The following DOCK2 variants were observed in gnomAD, a reference collection of about 807,000 sequenced individuals.
DOCK2 encodes dedicator of cytokinesis 2, also known as dedicator of cytokinesis protein 2.
Under a neutral mutation model 248.9 loss-of-function variants are expected in DOCK2, and 87 were observed. That is an observed-to-expected ratio of 0.35 (90% confidence interval 0.29 to 0.42). The LOEUF (loss-of-function observed/expected upper bound fraction) is 0.42, where lower values mean the gene tolerates loss of function less well. Among genes scored for constraint, DOCK2 ranks in the 10% least tolerant of loss-of-function variants. The pLI is 1.00. For synonymous variants in DOCK2, 805 were observed against 821.6 expected (o/e 0.98, Z 0.35); for missense variants, 1,747 against 2,300.2 (o/e 0.76, Z 4.92).
chr5:169,880,228 A>G (rs1294232628), intron 27 of DOCK2, among the ~76,000 whole-genome samples: 1 of 152,242 alleles, frequency 6.6e-6, no homozygotes, highest in Non-Finnish European at 1.5e-5. Flanking sequence ...CTGTTATTTG[A>G]TTAAAAACAG....
chr5:169,686,678 A>G (rs1472824699), intron 8 of DOCK2, among the ~76,000 whole-genome samples: 1 of 152,218 alleles, frequency 6.6e-6, no homozygotes, highest in Non-Finnish European at 1.5e-5. Context: ...GGATCGACAT[A>G]CAGTGAACAA....
intron 49 of DOCK2, 101 bp downstream of exon 49, chr5:170,079,247 C>A: frequency 6.8e-7 from 1 of 1,460,326 alleles, no homozygotes; most frequent in Non-Finnish European, 9.2e-7. Flanking sequence ...TTCCTGAAGC[C>A]TGCCACTGCG....
At chr5:169,644,499 G>A (rs1177349208) in intron 1 of DOCK2, among the ~76,000 whole-genome samples, 1 of 152,180 alleles carries the variant, frequency 6.6e-6, no homozygotes, top group Middle Eastern at 3.4e-3. Context: ...CGAGGTTTCT[G>A]GTCTGAATAG....
intron 26 of DOCK2, among the ~76,000 whole-genome samples, chr5:169,814,233 G>A (rs1039235582): frequency 5.9e-5 from 9 of 152,186 alleles, no homozygotes; most frequent in African/African-American, 2.2e-4. Flanking sequence ...ACATACTGAC[G>A]TCATGTGCCT....
chr5:170,053,441 C>T (rs1330308469), intron 41 of DOCK2, among the ~76,000 whole-genome samples: 4 of 152,228 alleles, frequency 2.6e-5, no homozygotes, highest in Non-Finnish European at 5.9e-5. Flanking sequence ...TCTATGGACA[C>T]TAACATTTGA....
At chr5:169,789,343 C>T (rs545492268) in intron 25 of DOCK2, among the ~76,000 whole-genome samples, 9 of 152,084 alleles carry the variant, frequency 5.9e-5, no homozygotes, top group Non-Finnish European at 7.4e-5. Context: ...TATAATAGAA[C>T]GAATTATATT....
intron 27 of DOCK2, among the ~76,000 whole-genome samples, chr5:169,872,827 A>C (rs1772070469): frequency 6.6e-6 from 1 of 152,228 alleles, no homozygotes; most frequent in Non-Finnish European, 1.5e-5. Context: ...CAGATCACTT[A>C]ACCTCTCTGA....
intron 26 of DOCK2, among the ~76,000 whole-genome samples, chr5:169,824,109 A>G (rs1199449868): frequency 1.3e-5 from 2 of 152,168 alleles, no homozygotes; most frequent in Non-Finnish European, 2.9e-5. Context: ...CCACTGCTCA[A>G]TGAAATAAAA....
chr5:169,811,204 C>T (rs1767730566), intron 26 of DOCK2, among the ~76,000 whole-genome samples: 1 of 152,168 alleles, frequency 6.6e-6, no homozygotes, highest in African/African-American at 2.4e-5. Flanking sequence ...GTCCACCCTG[C>T]CTGTCTACGC....
intron 1 of DOCK2, among the ~76,000 whole-genome samples, chr5:169,646,041 G>A (rs909864903): frequency 1.6e-4 from 24 of 152,096 alleles, no homozygotes; most frequent in African/African-American, 5.6e-4. Flanking sequence ...GAGCCACCAC[G>A]CCCAGCCTCT....
chr5:169,704,408 C>G (rs1348701962), intron 14 of DOCK2, among the ~76,000 whole-genome samples: 1 of 152,082 alleles, frequency 6.6e-6, no homozygotes, highest in African/African-American at 2.4e-5. Context: ...GGAGGTTAGG[C>G]CTGCTCATGG....
chr5:169,727,267 G>A lies in DOCK2; in HGVS notation c.2267+8476G>A, dbSNP rs146296784. Among the ~76,000 whole-genome samples, 140 of 152,186 alleles carry A rather than the reference G, an allele frequency of 9.2e-4. No individual in the cohort carries two copies. In the East Asian group the frequency reaches 0.022, roughly 24 times the overall value. ...ACTCCACCTCACTTAATACAACAAC[G>A]CTGCAAAGCATAGGTATTATGATGT... On this transcript the variant is annotated intron_variant, in intron 22 of 51. Coordinates refer to ENST00000520908, the MANE Select transcript of DOCK2 (RefSeq NM_004946.3).
At chr5:169,989,885 T>C (rs1417280046) in intron 29 of DOCK2, among the ~76,000 whole-genome samples, 1 of 152,238 alleles carries the variant, frequency 6.6e-6, no homozygotes, top group Non-Finnish European at 1.5e-5. Flanking sequence ...ATGGTTTGGG[T>C]ATAGCCAAAC....
rs763950012 is a variant in DOCK2, at chr5:169,835,259, G to GTTTTTTTTTTTT, written c.2704-5498_2704-5497insTTTTTTTTTTTT. Among the ~76,000 whole-genome samples the GTTTTTTTTTTTT allele has an allele frequency of 2.9e-5, 4 of 138,610 alleles. 1 individual carries two copies. 90.9% of individuals were successfully genotyped at this position (138,610 alleles called of 152,430 possible). On this transcript the variant is annotated intron_variant, in intron 26 of 51. Coordinates refer to ENST00000520908, the MANE Select transcript of DOCK2 (RefSeq NM_004946.3). The stretch of plus-strand genomic sequence containing the variant: ...AGTGGGAGGAAAGAGTGAAATGCCT[G>GTTTTTTTTTTTT]GTTTTTTTTTTTTTTTTTTTGAGAC...
intron 22 of DOCK2, among the ~76,000 whole-genome samples, chr5:169,733,875 T>C (rs1232899517): frequency 1.3e-5 from 2 of 152,182 alleles, no homozygotes; most frequent in Non-Finnish European, 2.9e-5. Context: ...AGGAATGATT[T>C]TGTTGATGTT....
At chr5:170,079,911 TA>T (rs1291828496) in intron 49 of DOCK2, 2 of 473,756 alleles carry the variant, frequency 4.2e-6, no homozygotes, top group Non-Finnish European at 7.4e-6. Context: ...TTGTCGATTC[TA>T]GGGGACACCA....
chr5:169,821,259 A>G (rs1768418515), intron 26 of DOCK2, among the ~76,000 whole-genome samples: 1 of 152,232 alleles, frequency 6.6e-6, no homozygotes, highest in African/African-American at 2.4e-5. Context: ...AATTCCAGAA[A>G]TACAGAGAAC....
intron 2 of DOCK2, among the ~76,000 whole-genome samples, chr5:169,668,406 T>A (rs1251682347): frequency 6.6e-6 from 1 of 152,218 alleles, no homozygotes; most frequent in African/African-American, 2.4e-5. Flanking sequence ...GGCTCATGAC[T>A]ATGAAGGGTG....
At chr5:169,789,201 C>A (rs570298295) in intron 25 of DOCK2, among the ~76,000 whole-genome samples, 2 of 152,178 alleles carry the variant, frequency 1.3e-5, no homozygotes, top group Non-Finnish European at 2.9e-5. Flanking sequence ...TTTTTTATGG[C>A]CACATAGTAT....
Sources: gnomAD v4.1 joint callset for allele counts (sites outside exome capture counted in the v4.1 genomes callset) on GRCh38, gnomAD v4.1.1 for gene constraint, MANE v1.5 for transcripts, NCBI Gene and HGNC (gene_info 2026-07-23, HGNC 2026-07-21) for gene names.